KMT2A: variants seen among roughly 807,000 people sequenced by gnomAD.
The protein encoded by KMT2A is lysine methyltransferase 2A, also known as histone-lysine N-methyltransferase 2A.
A neutral mutation model predicts 345.3 loss-of-function variants in KMT2A; 16 were observed. That is an observed-to-expected ratio of 0.05 (90% CI 0.03 to 0.07). The LOEUF (loss-of-function observed/expected upper bound fraction) is 0.07, where lower values mean the gene tolerates loss of function less well. KMT2A is among the 10% of genes least tolerant of loss of function. KMT2A has a pLI of 1.00. For missense variants in KMT2A, 3,272 were observed against 4,841.6 expected (o/e 0.68, Z 9.62); for synonymous variants, 1,599 against 1,778.6 (o/e 0.90, Z 2.54).
chr11:118,451,207 C>CTTTTTTT (rs1167567348), intron 1 of KMT2A, among the ~76,000 whole-genome samples: 1 of 121,012 alleles, frequency 8.3e-6, no homozygotes, highest in Admixed American at 8.5e-5. Context: ...CTATCTAATT[C>CTTTTTTT]TTTTTTTTTT....
rs897702951 is a variant in KMT2A at position 118,521,580 on chromosome 11, T to C, written c.11643+163T>C. Among the ~76,000 whole-genome samples, 5 of 152,138 alleles carry C rather than the reference T, an allele frequency of 3.3e-5. No individual in the cohort carries two copies. The South Asian group carries it at 1.0e-3, about 32-fold the overall frequency. ...TGAGGGGCCCAGTAAAAATACAGAA[T>C]CCACTCTGAGGATTAGTACAGAAAG... On this transcript the variant is annotated intron_variant, in intron 35 of 35. Transcript: ENST00000534358. The surrounding 1 kb of genome is among the most constrained non-coding windows in gnomAD (Gnocchi z 5.3).
At chr11:118,466,849 A>G (rs908954186) in intron 1 of KMT2A, among the ~76,000 whole-genome samples, 1 of 152,092 alleles carries the variant, frequency 6.6e-6, no homozygotes, top group Admixed American at 6.5e-5. Context: ...CAACAAAAAA[A>G]GAACTTACGT....
chr11:118,459,568 A>G (rs772717209), intron 1 of KMT2A, among the ~76,000 whole-genome samples: 3 of 152,220 alleles, frequency 2.0e-5, no homozygotes, highest in Admixed American at 1.3e-4. Flanking sequence ...AGCTTATTCA[A>G]TAGAGGAATT....
rs2134393070 is a variant in KMT2A, at chr11:118,503,495, G to A, written c.7603G>A (p.Glu2535Lys). The part of the protein sequence containing the change: ...VTLTPLKMEN[E>K]SQSKNALKES... ...ACTGACACCTCTAAAAATGGAAAAT[G>A]AGAGTCAATCCAAAAATGCCCTGAA... Residue 2535 changes from glutamate to lysine, a missense_variant, in exon 27 of 36, where the codon GAG (glutamate) becomes AAG (lysine). Transcript: ENST00000534358. This position sits in a 1 kb window ranked among gnomAD's most constrained non-coding sequence, Gnocchi z 5.3. The A allele has an allele frequency of 6.2e-7, 1 of 1,614,164 alleles. No homozygotes were observed. Among genetic ancestry groups the A allele is most frequent in the Non-Finnish European group, 8.5e-7 (1 of 1,180,022 alleles).
intron 1 of KMT2A, among the ~76,000 whole-genome samples, chr11:118,446,213 G>A (rs943456624): frequency 1.7e-4 from 25 of 151,478 alleles, no homozygotes; most frequent in South Asian, 2.1e-4. Flanking sequence ...GCTACATGTC[G>A]TGGTGCACAC....
intron 5 of KMT2A, 34 bp downstream of exon 5, chr11:118,478,235 C>A: frequency 6.5e-7 from 1 of 1,526,986 alleles, no homozygotes; most frequent in Non-Finnish European, 9.0e-7. Context: ...ATGTTGACCT[C>A]TCAACCATAA....
rs782408767 is a variant in KMT2A at position 118,499,954 on chromosome 11, T to C, written c.6158+41T>C. ...AAGAGAAGAGAGCAGCCCCACAACCTGAACACACTGAAGCCATGTGCAGGT... is the reference window on the plus strand; with the variant it reads ...AAGAGAAGAGAGCAGCCCCACAACCCGAACACACTGAAGCCATGTGCAGGT... On this transcript the variant is annotated intron_variant, in intron 24 of 35. Coordinates refer to ENST00000534358, the MANE Select transcript of KMT2A (RefSeq NM_001197104.2). 5.3e-6 allele frequency: 7 copies of C among 1,310,276 alleles called. No individual in the cohort carries two copies. The East Asian group carries it at 9.2e-5, about 17-fold the overall frequency. The allele number at this position is 1,310,276 out of a possible 1,614,324, so 81.2% of individuals were successfully genotyped here. A position where few individuals can be genotyped will look rare whatever the true frequency, so the allele number is the denominator to read the frequency against.
intron 1 of KMT2A, among the ~76,000 whole-genome samples, chr11:118,466,261 T>C (rs955643664): frequency 7.9e-5 from 12 of 151,994 alleles, no homozygotes; most frequent in African/African-American, 2.9e-4. Flanking sequence ...GCCCAGGAGT[T>C]TGAGGCTGCA....
intron 8 of KMT2A, among the ~76,000 whole-genome samples, chr11:118,482,958 C>G (rs910993491): frequency 6.6e-6 from 1 of 152,010 alleles, no homozygotes; most frequent in Non-Finnish European, 1.5e-5. Flanking sequence ...CTTGGCAAGG[C>G]GCAGCGGCTC....
At chr11:118,477,117 T>A in intron 4 of KMT2A, 135 bp downstream of exon 4, 1 of 819,346 alleles carries the variant, frequency 1.2e-6, no homozygotes, top group Non-Finnish European at 2.0e-6. Context: ...ATTAAATACA[T>A]GAGGATTTTA....
In KMT2A at chr11:118,480,757, C is replaced by T. The variant is rs567575274; in HGVS notation, c.3634+519C>T. Among the ~76,000 whole-genome samples the T allele has an allele frequency of 1.5e-4, 23 of 152,120 alleles. No individual in the cohort carries two copies. The South Asian group carries it at 2.1e-3, about 14-fold the overall frequency. On this transcript the variant is annotated intron_variant, in intron 6 of 35. Coordinates refer to ENST00000534358, the MANE Select transcript of KMT2A (RefSeq NM_001197104.2). ...GACTCACTGTAGCTTCAACCTCCCA[C>T]GCTCAAGCCATCCTCCCACCTCAGC...
Position 118,491,975 on chromosome 11 carries a change from T to C in KMT2A, c.5004+47T>C. ...TCTGAGAGCTTGTTCTTAGGTAGTCTTTACCTAGTGTTTTTCTTTTGTTTT... is the reference window on the plus strand; with the variant it reads ...TCTGAGAGCTTGTTCTTAGGTAGTCCTTACCTAGTGTTTTTCTTTTGTTTT... On this transcript the variant is annotated intron_variant, in intron 15 of 35. Coordinates refer to ENST00000534358, the MANE Select transcript of KMT2A (RefSeq NM_001197104.2). This position sits in a 1 kb window ranked among gnomAD's most constrained non-coding sequence, Gnocchi z 4.2. 7.6e-7 allele frequency: 1 copy of C among 1,318,648 alleles called. No homozygotes were observed. Among genetic ancestry groups the C allele is most frequent in the Non-Finnish European group, 1.1e-6 (1 of 937,914 alleles). The allele number at this position is 1,318,648 out of a possible 1,614,324, so 81.7% of individuals were successfully genotyped here.
intron 1 of KMT2A, among the ~76,000 whole-genome samples, chr11:118,462,098 C>T (rs900709513): frequency 6.6e-6 from 1 of 152,062 alleles, no homozygotes; most frequent in Non-Finnish European, 1.5e-5. Flanking sequence ...GGACTACAGG[C>T]GCGTGCCACC....
At chr11:118,517,696 C>G (rs534577734) in intron 31 of KMT2A, among the ~76,000 whole-genome samples, 2 of 151,882 alleles carry the variant, frequency 1.3e-5, no homozygotes, top group South Asian at 4.2e-4. Flanking sequence ...AAAAATTAGC[C>G]AAACACAGTG....
At chr11:118,452,462 T>C (rs1406442717) in intron 1 of KMT2A, among the ~76,000 whole-genome samples, 4 of 152,044 alleles carry the variant, frequency 2.6e-5, no homozygotes, top group African/African-American at 9.7e-5. Flanking sequence ...AGCCCAGGAA[T>C]AGGAGGCTGC....
chr11:118,499,618 C>G (rs1555045069), intron 23 of KMT2A, among the ~76,000 whole-genome samples, 198 bp downstream of exon 23: 3 of 147,366 alleles, frequency 2.0e-5, no homozygotes, highest in Non-Finnish European at 4.4e-5. Context: ...AACCCTGTCT[C>G]TACTAAAAAA....
chr11:118,484,381 A>T lies in KMT2A; in HGVS notation c.4218+67A>T. On this transcript the variant is annotated intron_variant, in intron 9 of 35. Coordinates refer to ENST00000534358, the MANE Select transcript of KMT2A (RefSeq NM_001197104.2). The surrounding 1 kb of genome is among the most constrained non-coding windows in gnomAD (Gnocchi z 4.1). ...GACTTTAAATAAAGAAAATGCTACT[A>T]CCAAAGGTGTTGAAAGAGGAAATCA... 1 of 1,534,086 alleles carries T rather than the reference A, an allele frequency of 6.5e-7. No homozygotes were observed. The highest frequency in any genetic ancestry group is 1.2e-5 in the South Asian group (1 of 85,454).
intron 3 of KMT2A, among the ~76,000 whole-genome samples, chr11:118,475,718 G>A (rs1252911582): frequency 6.6e-6 from 1 of 152,072 alleles, no homozygotes. Context: ...GCGAGACTCC[G>A]TCTCTAAAAA....
At chr11:118,492,984 A>T in intron 15 of KMT2A, 73 bp from the exon 16 acceptor site, 1 of 1,166,684 alleles carries the variant, frequency 8.6e-7, no homozygotes, top group South Asian at 1.4e-5. Flanking sequence ...CATCTTTATT[A>T]ATTTTAATAG....
Sources: allele counts gnomAD v4.1 joint callset (sites outside exome capture counted in the v4.1 genomes callset), GRCh38; gene constraint gnomAD v4.1.1; non-coding constraint Gnocchi (gnomAD v3.1); transcripts MANE v1.5; gene names NCBI Gene and HGNC (gene_info 2026-07-23, HGNC 2026-07-21).